The following ZNF395 variants were observed in gnomAD, a reference collection of about 807,000 sequenced individuals.
ZNF395 encodes zinc finger protein 395, also known as HD gene regulatory region-binding protein 2.
ZNF395 carries 20 observed loss-of-function variants against 57.7 expected under a neutral mutation model. The ratio of observed to expected loss-of-function variants is 0.35; its 90% CI spans 0.24 to 0.50. ZNF395 has a LOEUF of 0.50. Ranked by LOEUF, ZNF395 falls within the 20% of genes least tolerant of loss-of-function variation. The pLI, the probability that ZNF395 is intolerant of heterozygous loss-of-function variation, is 0.97. For synonymous variants in ZNF395, 295 were observed against 275.9 expected (o/e 1.07, Z -0.69); for missense variants, 606 against 671.2 (o/e 0.90, Z 1.07).
intron 1 of ZNF395, among the ~76,000 whole-genome samples, chr8:28,379,676 T>A (rs564721821): frequency 2.0e-5 from 3 of 152,238 alleles, no homozygotes; most frequent in African/African-American, 7.2e-5. Context: ...GTGACTCTAG[T>A]TTCTGACCTT....
chr8:28,385,119 G>T (rs1024764613), intron 1 of ZNF395: 2 of 152,284 alleles, frequency 1.3e-5, no homozygotes, highest in African/African-American at 2.4e-5. Context: ...CTAGAAAGGG[G>T]GTTCTAAGAA....
Position 28,352,536 on chromosome 8 carries a change from C to A in ZNF395, c.920+37G>T, listed in dbSNP as rs561682089. 1.3e-6 allele frequency: 2 copies of A among 1,583,746 alleles called. No individual in the cohort carries two copies. The highest frequency in any genetic ancestry group is 2.2e-5 in the East Asian group (1 of 44,728). ...TCGGCAGGGTGGAGGGACACCCACACGCGACCCTAGGCTAGAGGCCCTGGG... is the reference window on the plus strand; with the variant it reads ...TCGGCAGGGTGGAGGGACACCCACAAGCGACCCTAGGCTAGAGGCCCTGGG... On this transcript the variant is annotated intron_variant, in intron 6 of 9. Transcript: ENST00000344423. The surrounding 1 kb of genome is among the most constrained non-coding windows in gnomAD (Gnocchi z 4.0).
In ZNF395 at chr8:28,349,201, C is replaced by T. The variant is rs1801647096; in HGVS notation, c.1354G>A (p.Glu452Lys). 9 of 1,557,532 alleles carry T rather than the reference C, an allele frequency of 5.8e-6. No individual in the cohort carries two copies. Among genetic ancestry groups the T allele is most frequent in the African/African-American group, 1.4e-5 (1 of 73,004 alleles). The change falls in exon 9 of 10, where the codon GAG (glutamate) becomes AAG (lysine). Residue 452 changes from glutamate (E) to lysine (K), a missense_variant. By Grantham distance (56) the Glu-to-Lys change is moderately conservative. Around this residue, in one of 3 missense-constraint regions of ZNF395, gnomAD observed 261 missense variants for 240.3 expected, o/e 1.09. Coordinates refer to ENST00000344423, the MANE Select transcript of ZNF395 (RefSeq NM_018660.3). Reference protein sequence around the residue: ...PVRSRSLSFSEPQQPAPAMKS... With the variant: ...PVRSRSLSFSKPQQPAPAMKS... ...ATCGCAGGTGCTGGCTGCTGGGGCT[C>T]GCTGAAGCTTAGCGACCGGCTCCGG...
intron 1 of ZNF395, among the ~76,000 whole-genome samples, chr8:28,381,850 G>C (rs934239352): frequency 6.6e-6 from 1 of 152,274 alleles, no homozygotes; most frequent in East Asian, 1.9e-4. Flanking sequence ...TTACTACGGA[G>C]AACACAGGTC....
At chr8:28,369,220 A>G (rs977424909) in intron 1 of ZNF395, among the ~76,000 whole-genome samples, 3 of 151,218 alleles carry the variant, frequency 2.0e-5, no homozygotes, top group Non-Finnish European at 4.4e-5. Flanking sequence ...GGATCATCAC[A>G]TTCCCTGACA....
chr8:28,375,740 C>T (rs796783615), intron 1 of ZNF395, among the ~76,000 whole-genome samples: 7 of 152,170 alleles, frequency 4.6e-5, no homozygotes, highest in East Asian at 1.9e-4. Context: ...AGTACCATGG[C>T]GACAGTCACC....
At chr8:28,366,540 T>C (rs754245450) in intron 1 of ZNF395, among the ~76,000 whole-genome samples, 3 of 151,346 alleles carry the variant, frequency 2.0e-5, no homozygotes, top group Admixed American at 2.0e-4. Context: ...CAGTGAATGT[T>C]TGCATCTCTT....
intron 4 of ZNF395, among the ~76,000 whole-genome samples, chr8:28,355,569 T>C (rs1048066450): frequency 1.3e-5 from 2 of 152,164 alleles, no homozygotes; most frequent in African/African-American, 2.4e-5. Context: ...TGATGGGAAC[T>C]GGAGTCAATA....
At chr8:28,376,370 A>G (rs1802040655) in intron 1 of ZNF395, among the ~76,000 whole-genome samples, 1 of 152,104 alleles carries the variant, frequency 6.6e-6, no homozygotes, top group South Asian at 2.1e-4. Context: ...TGTTAATCCC[A>G]GCACTTTGGG....
At chr8:28,367,899 G>A (rs1054299192) in intron 1 of ZNF395, among the ~76,000 whole-genome samples, 14 of 152,310 alleles carry the variant, frequency 9.2e-5, no homozygotes, top group South Asian at 4.1e-4. Context: ...AAGAGCATTC[G>A]AACTTGCTTC....
chr8:28,349,733 A>G (rs1027303252), intron 8 of ZNF395, among the ~76,000 whole-genome samples: 6 of 152,182 alleles, frequency 3.9e-5, no homozygotes, highest in Admixed American at 3.3e-4. Context: ...TCTCCTCAGC[A>G]TTAAAATCCT....
At chr8:28,370,480 GGA>G (rs1449311183) in intron 1 of ZNF395, among the ~76,000 whole-genome samples, 1 of 152,222 alleles carries the variant, frequency 6.6e-6, no homozygotes, top group African/African-American at 2.4e-5. Context: ...AAAGAGAGAT[GGA>G]GAAACAGGCT....
chr8:28,355,466 G>A (rs1284278087), intron 4 of ZNF395, among the ~76,000 whole-genome samples: 1 of 150,010 alleles, frequency 6.7e-6, no homozygotes. Context: ...TTTTTACAAA[G>A]GGACTTAAAA....
chr8:28,352,446 A>AC lies in ZNF395; in HGVS notation c.920+126dup, dbSNP rs1801727828. The AC allele has an allele frequency of 8.6e-6, 6 of 700,976 alleles. No individual in the cohort carries two copies. The South Asian group carries it at 1.1e-4, about 13-fold the overall frequency. 43.4% of individuals were successfully genotyped at this position (700,976 alleles called of 1,614,324 possible). On this transcript the variant is annotated intron_variant, in intron 6 of 9. Coordinates refer to ENST00000344423, the MANE Select transcript of ZNF395 (RefSeq NM_018660.3). This position sits in a 1 kb window ranked among gnomAD's most constrained non-coding sequence, Gnocchi z 4.0. ...GTCTTTCTCAGGGGGCCAGGAAGAGACACCAGGGGGTGTTCCCAGCAAGCC... is the reference window on the plus strand; with the variant it reads ...GTCTTTCTCAGGGGGCCAGGAAGAGACCACCAGGGGGTGTTCCCAGCAAGCC...
chr8:28,350,249 G>C (rs1453122562), intron 7 of ZNF395, 93 bp from the exon 8 acceptor site: 1 of 1,070,914 alleles, frequency 9.3e-7, no homozygotes, highest in African/African-American at 1.6e-5. Context: ...GCAGCAGAAG[G>C]TGCATCTCTG....
intron 1 of ZNF395, among the ~76,000 whole-genome samples, chr8:28,376,263 A>C (rs1802039227): frequency 1.3e-5 from 2 of 152,120 alleles, no homozygotes; most frequent in Admixed American, 1.3e-4. Context: ...GGTAGTCTCA[A>C]AGTGCTTGGA....
rs1289568764 is a variant in ZNF395, at chr8:28,356,744, G to A, written c.509C>T (p.Ala170Val). 3.1e-6 allele frequency: 5 copies of A among 1,614,036 alleles called. No homozygotes were observed. The highest frequency in any genetic ancestry group is 2.2e-5 in the East Asian group (1 of 44,890). ...GGACAGGGACGTCAGCACCATGGCC[G>A]CCATCATCTCATCCATTTCCACTGC... is the stretch of plus-strand genomic sequence containing the variant. ...SDAVEMDEMM[A>V]AMVLTSLSCS... The change falls in exon 4 of 10, where the codon GCG becomes GTG. Residue 170 changes from alanine to valine, a missense_variant. Transcript: ENST00000344423. This position sits in a 1 kb window ranked among gnomAD's most constrained non-coding sequence, Gnocchi z 4.0.
In ZNF395 at chr8:28,347,021, G is replaced by A. The variant is rs1801611844; in HGVS notation, c.*1698C>T. On this transcript the variant is annotated 3_prime_UTR_variant, in exon 10 of 10. Coordinates refer to ENST00000344423, the MANE Select transcript of ZNF395 (RefSeq NM_018660.3). ...CTGTGCACAAGTGTCTGTCCCTTCT[G>A]TCACCAACCTAGGGCACTACACCCT... 1 of 150,082 alleles carries A rather than the reference G, an allele frequency of 6.7e-6. No individual in the cohort carries two copies. Among genetic ancestry groups the A allele is most frequent in the Non-Finnish European group, 1.5e-5 (1 of 67,762 alleles). The allele number at this position is 150,082 out of a possible 1,614,324, so 9.3% of individuals were successfully genotyped here.
chr8:28,350,237 C>T (rs1801664701), intron 7 of ZNF395, 81 bp from the exon 8 acceptor site: 3 of 1,217,962 alleles, frequency 2.5e-6, no homozygotes, highest in Non-Finnish European at 3.5e-6. Flanking sequence ...AGCCTCATGA[C>T]AGCAGCAGAA....
Sources: allele counts gnomAD v4.1 joint callset (sites outside exome capture counted in the v4.1 genomes callset), GRCh38; gene constraint gnomAD v4.1.1; regional missense constraint gnomAD v4.1.1; non-coding constraint Gnocchi (gnomAD v3.1); transcripts MANE v1.5; gene names NCBI Gene and HGNC (gene_info 2026-07-23, HGNC 2026-07-21).